The following ARHGAP10 variants were observed in gnomAD, a reference collection of about 807,000 sequenced individuals.
ARHGAP10 encodes Rho GTPase activating protein 10.
ARHGAP10 carries 87 observed loss-of-function variants against 108.6 expected under a neutral mutation model. The ratio of observed to expected loss-of-function variants is 0.80; its 90% CI spans 0.67 to 0.96. The LOEUF is 0.96. Among genes scored for constraint, ARHGAP10 ranks in the 40% least tolerant of loss-of-function variants. The pLI is 0.00. For synonymous variants in ARHGAP10, 347 were observed against 341.1 expected, an observed-to-expected ratio of 1.02 and a Z score of -0.19; for missense variants, 939 against 954.5, an observed-to-expected ratio of 0.98 and a Z score of 0.21.
rs374020706 is a variant in ARHGAP10, at chr4:148,046,956, G to A, written c.1932G>A (p.Pro644=). The A allele has an allele frequency of 2.7e-5, 43 of 1,613,890 alleles. No individual in the cohort carries two copies. Among genetic ancestry groups the A allele is most frequent in the Middle Eastern group, 3.3e-4 (2 of 6,084 alleles). ...GCAGTCTGGACTCACTTTCCTCCCC[G>A]TCTCCCGTGACTACAGCTGTCCCTG... ...PTSSLDSLSS[P]SPVTTAVPGP... is the part of the protein sequence containing the mutation. The change falls in exon 20 of 23, where the codon CCG becomes CCA. Residue 644 remains proline, a synonymous_variant. Transcript: ENST00000336498.
chr4:148,032,305 C>T (rs561020260), intron 19 of ARHGAP10, among the ~76,000 whole-genome samples: 193 of 109,274 alleles, frequency 1.8e-3, no homozygotes, highest in African/African-American at 6.3e-3. Context: ...AAAAAATTAT[C>T]TAATATTGGC....
intron 7 of ARHGAP10, among the ~76,000 whole-genome samples, chr4:147,873,956 A>G (rs958496126): frequency 1.3e-5 from 2 of 151,450 alleles, no homozygotes; most frequent in Admixed American, 6.6e-5. Context: ...ACTGAGTTCT[A>G]CTTTCTTTGC....
At chr4:147,765,334 GT>G (rs1729755709) in intron 1 of ARHGAP10, among the ~76,000 whole-genome samples, 1 of 35,792 alleles carries the variant, frequency 2.8e-5, no homozygotes, top group Non-Finnish European at 8.4e-5. Flanking sequence ...GTGTGTGTGT[GT>G]GTGGGGGGGG....
intron 18 of ARHGAP10, among the ~76,000 whole-genome samples, chr4:147,987,248 T>C (rs1740079287): frequency 6.6e-6 from 1 of 152,228 alleles, no homozygotes; most frequent in Non-Finnish European, 1.5e-5. Context: ...AAAGTATACA[T>C]TAATACATAT....
chr4:147,786,607 AAGGATAATGG>A (rs1266648005), intron 1 of ARHGAP10, among the ~76,000 whole-genome samples: 1 of 152,232 alleles, frequency 6.6e-6, no homozygotes, highest in Non-Finnish European at 1.5e-5. Context: ...TAATGTTTCA[AAGGATAATGG>A]AGGATAAATG....
At chr4:147,740,047 C>CTT (rs59246980) in intron 1 of ARHGAP10, among the ~76,000 whole-genome samples, 45 of 118,886 alleles carry the variant, frequency 3.8e-4, no homozygotes, top group African/African-American at 7.8e-4. Context: ...TACTGGGTTA[C>CTT]TTTTTTTTTT....
chr4:147,956,819 CAT>C (rs1738804571), intron 16 of ARHGAP10, among the ~76,000 whole-genome samples: 1 of 149,580 alleles, frequency 6.7e-6, no homozygotes, highest in African/African-American at 2.5e-5. Flanking sequence ...AGGTTAGTTA[CAT>C]ATGTTTTAAA....
chr4:147,837,650 T>TTTTTTTTTGTTTTTTTTG (rs1733229862), intron 3 of ARHGAP10, among the ~76,000 whole-genome samples: 1 of 112,008 alleles, frequency 8.9e-6, no homozygotes, highest in East Asian at 3.1e-4. Flanking sequence ...ACTGTTTTTT[T>TTTTTTTTTGTTTTTTTTG]TTTTTTTTTT....
At chr4:148,070,187 C>T (rs1252815207) in intron 22 of ARHGAP10, among the ~76,000 whole-genome samples, 1 of 152,200 alleles carries the variant, frequency 6.6e-6, no homozygotes, top group African/African-American at 2.4e-5. Context: ...TGCCTGCACA[C>T]ACGCACACAG....
chr4:147,818,093 T>C (rs528072412), intron 1 of ARHGAP10, among the ~76,000 whole-genome samples: 3 of 152,000 alleles, frequency 2.0e-5, no homozygotes, highest in South Asian at 2.1e-4. Context: ...TTACCAGCAG[T>C]GTAAAGAGGT....
At chr4:148,066,809 A>G (rs1729898616) in intron 22 of ARHGAP10, among the ~76,000 whole-genome samples, 1 of 152,256 alleles carries the variant, frequency 6.6e-6, no homozygotes, top group Non-Finnish European at 1.5e-5. Flanking sequence ...TTGATGTTGT[A>G]TTAAGATAGC....
At chr4:147,996,851 C>A (rs1445435340) in intron 18 of ARHGAP10, among the ~76,000 whole-genome samples, 1 of 152,072 alleles carries the variant, frequency 6.6e-6, no homozygotes, top group Non-Finnish European at 1.5e-5. Flanking sequence ...GAGCAAAGGC[C>A]ATGTTGTGAG....
chr4:148,011,856 G>A (rs1271587319), intron 18 of ARHGAP10, among the ~76,000 whole-genome samples: 1 of 152,168 alleles, frequency 6.6e-6, no homozygotes, highest in East Asian at 1.9e-4. Flanking sequence ...GTTAGTTTTA[G>A]CATTAATTGT....
chr4:147,983,176 C>T (rs1739894657), intron 18 of ARHGAP10, among the ~76,000 whole-genome samples: 1 of 141,574 alleles, frequency 7.1e-6, no homozygotes, highest in African/African-American at 2.6e-5. Context: ...GCCATGGTGC[C>T]TGGCTGCTTT....
At chr4:148,055,215 T>G (rs1413313744) in intron 20 of ARHGAP10, among the ~76,000 whole-genome samples, 1 of 152,154 alleles carries the variant, frequency 6.6e-6, no homozygotes, top group Non-Finnish European at 1.5e-5. Context: ...GGGAGTGAAC[T>G]TTGTCAGATG....
At chr4:147,817,057 A>G (rs977693908) in intron 1 of ARHGAP10, among the ~76,000 whole-genome samples, 2 of 152,188 alleles carry the variant, frequency 1.3e-5, no homozygotes, top group Admixed American at 1.3e-4. Context: ...CAATTTGTCT[A>G]TTTTAAAAAG....
At chr4:147,837,446 C>T (rs777641840) in intron 3 of ARHGAP10, among the ~76,000 whole-genome samples, 1 of 152,092 alleles carries the variant, frequency 6.6e-6, no homozygotes, top group Non-Finnish European at 1.5e-5. Flanking sequence ...CTTGTAGTAT[C>T]TTTAAGAGAT....
At chr4:147,820,467 G>C (rs1052199049) in intron 1 of ARHGAP10, among the ~76,000 whole-genome samples, 9 of 151,188 alleles carry the variant, frequency 6.0e-5, no homozygotes, top group Non-Finnish European at 1.0e-4. Flanking sequence ...TGTGTTTTTA[G>C]TAGAGATGGG....
chr4:147,811,764 C>T (rs949235402), intron 1 of ARHGAP10, among the ~76,000 whole-genome samples: 32 of 152,162 alleles, frequency 2.1e-4, no homozygotes, highest in African/African-American at 7.5e-4. Flanking sequence ...GGTCGCTAGC[C>T]ACTTGCAGAG....
Sources: allele counts gnomAD v4.1 joint callset (sites outside exome capture counted in the v4.1 genomes callset), GRCh38; gene constraint gnomAD v4.1.1; transcripts MANE v1.5; gene names NCBI Gene and HGNC (gene_info 2026-07-23, HGNC 2026-07-21).